Variants in DNASE1 observed in about 807,000 individuals in gnomAD.
DNASE1 encodes the protein deoxyribonuclease 1, also known as deoxyribonuclease-1.
In DNASE1, 40 loss-of-function variants were observed where a neutral mutation model predicts 33.9. The ratio of observed to expected loss-of-function variants is 1.18; its 90% CI spans 0.92 to 1.54. The LOEUF (loss-of-function observed/expected upper bound fraction) is 1.54, where lower values mean the gene tolerates loss of function less well. DNASE1 is among the 40% of genes most tolerant of loss of function. DNASE1 has a pLI of 0.00. For synonymous variants in DNASE1, 216 were observed against 160.0 expected (o/e 1.35, Z -2.64); for missense variants, 518 against 372.6 (o/e 1.39, Z -3.21).
At chr16:3,628,937 C>T (rs1445934012) in intron 1 of DNASE1, among the ~76,000 whole-genome samples, 3 of 147,160 alleles carry the variant, frequency 2.0e-5, no homozygotes, top group Non-Finnish European at 4.5e-5. Context: ...TTTGGGAAGC[C>T]GAGGCGGGCG....
At chr16:3,613,043 G>T (rs1003238608) in intron 1 of DNASE1, among the ~76,000 whole-genome samples, 1 of 152,154 alleles carries the variant, frequency 6.6e-6, no homozygotes, top group African/African-American at 2.4e-5. Flanking sequence ...GTGGTTTCCA[G>T]TACGTTCACA....
At chr16:3,655,624 C>G in intron 2 of DNASE1, 104 bp downstream of exon 2, 1 of 1,543,116 alleles carries the variant, frequency 6.5e-7, no homozygotes, top group Non-Finnish European at 8.9e-7. Flanking sequence ...GTGTGGGGTA[C>G]TGAGCACCAC....
intron 1 of DNASE1, among the ~76,000 whole-genome samples, chr16:3,630,828 CCTGT>C (rs1288471598): frequency 1.3e-5 from 2 of 151,534 alleles, no homozygotes; most frequent in East Asian, 3.9e-4. Flanking sequence ...ATAGAGAGAC[CCTGT>C]CTCTCTAAAA....
chr16:3,663,549 A>G, exon 10 of DNASE1: 1 of 1,613,984 alleles, frequency 6.2e-7, no homozygotes, highest in African/African-American at 1.3e-5. Flanking sequence ...AAACTGCTCA[A>G]AGCAGAAGAG....
At chr16:3,649,162 C>G (rs200895441) in intron 1 of DNASE1, among the ~76,000 whole-genome samples, 1 of 152,190 alleles carries the variant, frequency 6.6e-6, no homozygotes, top group Non-Finnish European at 1.5e-5. Context: ...CAGAGGCTGT[C>G]TTTTGTGATG....
chr16:3,617,202 C>G (rs375296850), intron 1 of DNASE1, among the ~76,000 whole-genome samples: 4 of 151,050 alleles, frequency 2.6e-5, no homozygotes, highest in African/African-American at 9.7e-5. Flanking sequence ...GGTGTGCGCC[C>G]GTAATCCCAG....
At chr16:3,621,034 G>T (rs1157204941) in intron 1 of DNASE1, among the ~76,000 whole-genome samples, 3 of 151,882 alleles carry the variant, frequency 2.0e-5, no homozygotes, top group Non-Finnish European at 4.4e-5. Flanking sequence ...TCCTGACCTC[G>T]TGATCCACCC....
At position 3,657,344 on chromosome 16, in the gene DNASE1, G is replaced by A. The variant is rs139340019; in HGVS notation, c.704+3G>A. ...CCCACGCACTGTGCCTATGACAGGT[G>A]AGCAGGGCCTCGCGCTTAGGGCAGA... On this transcript the variant is annotated splice_donor_region_variant and intron_variant, in intron 7 of 8. Transcript: ENST00000246949. 1 of 1,612,692 alleles carries A rather than the reference G, an allele frequency of 6.2e-7. No homozygotes were observed. Among genetic ancestry groups the A allele is most frequent in the African/African-American group, 1.3e-5 (1 of 75,056 alleles).
chr16:3,632,525 C>T (rs2041730606), intron 1 of DNASE1, among the ~76,000 whole-genome samples: 1 of 151,830 alleles, frequency 6.6e-6, no homozygotes, highest in South Asian at 2.1e-4. Flanking sequence ...ATTAGTATAG[C>T]CACTGGGACT....
rs906954675 is a variant in DNASE1, at chr16:3,656,120, T to A, written c.255T>A (p.Tyr85Ter). Residue 85 changes from tyrosine to a stop codon, truncating the protein, a stop_gained, in exon 4 of 9, where the codon TAT becomes TAA. Coordinates refer to ENST00000246949, the MANE Select transcript of DNASE1 (RefSeq NM_005223.4). LOFTEE classifies it high-confidence loss of function. ...AATCCAGGGATGCACCAGACACCTA[T>A]CACTACGTGGTCAGTGAGCCACTGG... is the stretch of plus-strand genomic sequence containing the variant. ...DNLNQDAPDT[Y>*]HYVVSEPLGR... is the part of the protein sequence containing the mutation. 2 of 1,614,074 alleles carry A rather than the reference T, an allele frequency of 1.2e-6. No homozygotes were observed. Among genetic ancestry groups the A allele is most frequent in the Admixed American group, 3.3e-5 (2 of 60,026 alleles).
chr16:3,657,321 C>T lies in DNASE1; in HGVS notation c.684C>T (p.Pro228=). The change falls in exon 7 of 9, where the codon CCC becomes CCT. Residue 228 remains proline (P), a synonymous_variant. Transcript: ENST00000246949. ...IPDSADTTAT[P]THCAYDRIVV... ...ACAGCGCTGACACCACAGCTACACC[C>T]ACGCACTGTGCCTATGACAGGTGAG... 1 of 1,613,578 alleles carries T rather than the reference C, an allele frequency of 6.2e-7. No individual in the cohort carries two copies. Among genetic ancestry groups the T allele is most frequent in the South Asian group, 1.1e-5 (1 of 91,088 alleles).
intron 1 of DNASE1, among the ~76,000 whole-genome samples, chr16:3,619,357 CTTTTATT>C (rs2041222510): frequency 7.0e-6 from 1 of 141,972 alleles, no homozygotes; most frequent in Non-Finnish European, 1.5e-5. Flanking sequence ...TTCTTTCTTT[CTTTTATT>C]TTTTATTTTT....
downstream of DNASE1, chr16:3,662,655 C>A (rs115826912): frequency 9.8e-5 from 67 of 685,156 alleles, no homozygotes; most frequent in African/African-American, 1.1e-3. Flanking sequence ...GTTCTCAGTT[C>A]ACACCTGCTC....
exon 10 of DNASE1, chr16:3,663,257 A>G (rs1284643954): frequency 1.1e-6 from 1 of 875,792 alleles, no homozygotes; most frequent in Non-Finnish European, 1.7e-6. Context: ...TATCTAAACC[A>G]GGAGGCACCT....
intron 1 of DNASE1, among the ~76,000 whole-genome samples, chr16:3,644,021 G>A (rs1187838640): frequency 3.3e-5 from 5 of 152,150 alleles, no homozygotes; most frequent in South Asian, 2.1e-4. Flanking sequence ...CATTATAGGC[G>A]TCAGCCACCG....
At chr16:3,664,397 G>C in exon 10 of DNASE1, 1 of 1,612,292 alleles carries the variant, frequency 6.2e-7, no homozygotes, top group Non-Finnish European at 8.5e-7. Flanking sequence ...ATTCTGAGAG[G>C]CTGGTTAGCT....
upstream of DNASE1, chr16:3,652,893 T>C (rs765521173): frequency 6.6e-6 from 1 of 152,388 alleles, no homozygotes; most frequent in Non-Finnish European, 1.5e-5. Flanking sequence ...CCTGGACTTC[T>C]GCCAAGCCTT....
At chr16:3,662,951 T>C (rs1285598616), downstream of DNASE1, 1 of 1,611,592 alleles carries the variant, frequency 6.2e-7, no homozygotes, top group South Asian at 1.1e-5. Context: ...TCTCCTTCTC[T>C]GATAGGCACT....
intron 1 of DNASE1, among the ~76,000 whole-genome samples, chr16:3,621,123 G>T (rs1259424395): frequency 1.3e-5 from 2 of 151,728 alleles, no homozygotes; most frequent in Non-Finnish European, 2.9e-5. Context: ...TTAGAGACAG[G>T]GTTTTGCTGT....
Sources: allele counts gnomAD v4.1 joint callset (sites outside exome capture counted in the v4.1 genomes callset), GRCh38; gene constraint gnomAD v4.1.1; transcripts MANE v1.5; gene names NCBI Gene and HGNC (gene_info 2026-07-23, HGNC 2026-07-21).